SERPINI1: variants seen among roughly 807,000 people sequenced by gnomAD.
The protein encoded by SERPINI1 is serpin family I member 1.
A neutral mutation model predicts 41.1 loss-of-function variants in SERPINI1; 19 were observed. The observed-to-expected ratio is 0.46, with a 90% CI of 0.32 to 0.68. SERPINI1 has a LOEUF of 0.68. Ranked by LOEUF, SERPINI1 falls within the 30% of genes least tolerant of loss-of-function variation. The probability of loss-of-function intolerance (pLI) is 0.03; values close to 1 mark genes in which losing one functional copy is unlikely to be tolerated. For synonymous variants in SERPINI1, 138 were observed against 156.6 expected, an observed-to-expected ratio of 0.88 and a Z score of 0.89; for missense variants, 460 against 479.2, an observed-to-expected ratio of 0.96 and a Z score of 0.37.
intron 1 of SERPINI1, among the ~76,000 whole-genome samples, chr3:167,773,482 AC>A (rs1239448801): frequency 9.8e-5 from 15 of 152,302 alleles, no homozygotes; most frequent in African/African-American, 3.4e-4. Flanking sequence ...TTTCTACATA[AC>A]TTCCTAAAGC....
chr3:167,758,383 G>A (rs1726257867), intron 1 of SERPINI1, among the ~76,000 whole-genome samples: 2 of 152,142 alleles, frequency 1.3e-5, no homozygotes, highest in South Asian at 4.1e-4. Context: ...AAATACCTAT[G>A]AGTCTCTACT....
intron 1 of SERPINI1, among the ~76,000 whole-genome samples, chr3:167,787,458 T>G (rs1194595157): frequency 6.6e-6 from 1 of 152,256 alleles, no homozygotes. Context: ...CTTCTGCCTT[T>G]TCCTGGAGTT....
At chr3:167,814,120 C>T (rs1711987489) in intron 6 of SERPINI1, among the ~76,000 whole-genome samples, 1 of 152,176 alleles carries the variant, frequency 6.6e-6, no homozygotes, top group African/African-American at 2.4e-5. Context: ...CAACATATCA[C>T]CTTATCTTGT....
intron 1 of SERPINI1, among the ~76,000 whole-genome samples, chr3:167,737,103 A>G (rs1559990285): frequency 6.6e-6 from 1 of 151,726 alleles, no homozygotes; most frequent in Non-Finnish European, 1.5e-5. Context: ...TTTAAATTTT[A>G]TTTTTGTAAT....
At chr3:167,786,126 G>A (rs1217332459) in intron 1 of SERPINI1, among the ~76,000 whole-genome samples, 1 of 152,204 alleles carries the variant, frequency 6.6e-6, no homozygotes, top group Non-Finnish European at 1.5e-5. Context: ...TGGTATTTGT[G>A]TATCTAAACA....
chr3:167,791,070 A>C (rs1452436704), intron 3 of SERPINI1, among the ~76,000 whole-genome samples: 1 of 152,190 alleles, frequency 6.6e-6, no homozygotes, highest in Non-Finnish European at 1.5e-5. Flanking sequence ...TCATTTTCAA[A>C]AGAGCAGCTT....
chr3:167,824,193 G>A (rs1712440484), intron 7 of SERPINI1, among the ~76,000 whole-genome samples: 1 of 152,052 alleles, frequency 6.6e-6, no homozygotes, highest in Non-Finnish European at 1.5e-5. Context: ...TTCATAACAA[G>A]CAGAATAAAT....
At chr3:167,794,260 C>T (rs1049727772) in intron 4 of SERPINI1, among the ~76,000 whole-genome samples, 1 of 151,994 alleles carries the variant, frequency 6.6e-6, no homozygotes, top group Non-Finnish European at 1.5e-5. Context: ...TCTGTGGATT[C>T]TAAAATAAAA....
chr3:167,767,022 C>T (rs752869821), intron 1 of SERPINI1, among the ~76,000 whole-genome samples: 4 of 152,190 alleles, frequency 2.6e-5, no homozygotes, highest in Non-Finnish European at 5.9e-5. Context: ...TTTTCACTGT[C>T]GATGAAACAC....
At chr3:167,800,649 G>T (rs1042799135) in intron 5 of SERPINI1, among the ~76,000 whole-genome samples, 2 of 152,204 alleles carry the variant, frequency 1.3e-5, no homozygotes, top group Non-Finnish European at 2.9e-5. Context: ...TGATCAGAGT[G>T]TTGGACATCA....
intron 1 of SERPINI1, among the ~76,000 whole-genome samples, chr3:167,771,850 C>T (rs543619512): frequency 7.1e-4 from 104 of 147,122 alleles, no homozygotes; most frequent in Middle Eastern, 3.4e-3. Flanking sequence ...TGTGTGTGCG[C>T]GCACGCGCAC....
intron 5 of SERPINI1, among the ~76,000 whole-genome samples, chr3:167,801,334 T>C (rs1268346731): frequency 6.6e-5 from 10 of 152,250 alleles, no homozygotes; most frequent in Non-Finnish European, 1.3e-4. Flanking sequence ...TTGTATGCCT[T>C]TATTAAAATA....
chr3:167,760,157 TA>T (rs138050010), intron 1 of SERPINI1, among the ~76,000 whole-genome samples: 5,273 of 152,114 alleles, frequency 0.035, 300 homozygotes, highest in African/African-American at 0.12. Context: ...GAAAGAAGAT[TA>T]AAAGTTGGCC....
At chr3:167,790,046 GGT>G (rs1727447190) in intron 2 of SERPINI1, among the ~76,000 whole-genome samples, 1 of 152,066 alleles carries the variant, frequency 6.6e-6, no homozygotes, top group Non-Finnish European at 1.5e-5. Flanking sequence ...TTTTAAACTA[GGT>G]ACTTTTTTCT....
chr3:167,782,647 A>G (rs1727174390), intron 1 of SERPINI1, among the ~76,000 whole-genome samples: 1 of 152,228 alleles, frequency 6.6e-6, no homozygotes, highest in African/African-American at 2.4e-5. Context: ...GTATGAAATT[A>G]CCTGTAACAG....
rs1204961300 is a variant in SERPINI1, at chr3:167,794,638, C to T, written c.695C>T (p.Ser232Phe). 8 of 1,613,138 alleles carry T rather than the reference C, an allele frequency of 5.0e-6. No individual in the cohort carries two copies. In the East Asian group the frequency reaches 1.3e-4, roughly 27 times the overall value. Residue 232 changes from serine (S) to phenylalanine (F), a missense_variant, in exon 5 of 9, where the codon TCC (serine) becomes TTC (phenylalanine). Transcript: ENST00000446050. ...TTTTTAGGGGAATTTAGTGATGGCT[C>T]CAATGAAGCTGGTGGTATCTACCAA... ...EFYYGEFSDG[S>F]NEAGGIYQVL...
At chr3:167,780,871 C>A (rs937870627) in intron 1 of SERPINI1, among the ~76,000 whole-genome samples, 1 of 152,098 alleles carries the variant, frequency 6.6e-6, no homozygotes, top group African/African-American at 2.4e-5. Context: ...ACTGAGCGAA[C>A]AAGGATAAAC....
In SERPINI1 at chr3:167,759,400, GTA is replaced by G. The variant is rs71753556; in HGVS notation, c.-19+23597_-19+23598del. Among the ~76,000 whole-genome samples the G allele has an allele frequency of 2.5e-3, 303 of 120,604 alleles. 3 individuals are homozygous for G. Among genetic ancestry groups the G allele is most frequent in the South Asian group, 3.7e-3 (15 of 4,032 alleles). 79.1% of individuals were successfully genotyped at this position (120,604 alleles called of 152,430 possible). On this transcript the variant is annotated intron_variant, in intron 1 of 8. Transcript: ENST00000446050. Reference sequence around the variant, plus strand: ...ATCAACATTGGATAAAGAAAATGTGGTATATATATATATATATATATGCGCCA... The same window carrying G: ...ATCAACATTGGATAAAGAAAATGTGGTATATATATATATATATATGCGCCA...
intron 6 of SERPINI1, among the ~76,000 whole-genome samples, chr3:167,813,719 C>CT (rs1711971414): frequency 6.6e-6 from 1 of 152,272 alleles, no homozygotes; most frequent in South Asian, 2.1e-4. Flanking sequence ...ATACTTGTCT[C>CT]TGAGCTCAGA....
Sources: gnomAD v4.1 joint callset for allele counts (sites outside exome capture counted in the v4.1 genomes callset) on GRCh38, gnomAD v4.1.1 for gene constraint, MANE v1.5 for transcripts, NCBI Gene and HGNC (gene_info 2026-07-23, HGNC 2026-07-21) for gene names.